The following B4GALT6 variants were observed in gnomAD, a reference collection of about 807,000 sequenced individuals.
The protein encoded by B4GALT6 is beta-1,4-galactosyltransferase 6.
Under a neutral mutation model 46.3 loss-of-function variants are expected in B4GALT6, and 14 were observed. The observed-to-expected ratio is 0.30, with a 90% CI of 0.20 to 0.47. B4GALT6 has a LOEUF of 0.47. Among genes scored for constraint, B4GALT6 ranks in the 20% least tolerant of loss-of-function variants. The pLI, the probability that B4GALT6 is intolerant of heterozygous loss-of-function variation, is 0.99. For synonymous variants in B4GALT6, 168 were observed against 162.0 expected (o/e 1.04, Z -0.28); for missense variants, 386 against 480.1 (o/e 0.80, Z 1.83).
At chr18:31,632,731 G>A (rs997415628) in intron 5 of B4GALT6, among the ~76,000 whole-genome samples, 3 of 152,124 alleles carry the variant, frequency 2.0e-5, no homozygotes, top group African/African-American at 7.2e-5. Flanking sequence ...TTTCTTCAGT[G>A]CTGAGTGAAC....
chr18:31,645,636 C>T (rs1241266738), intron 3 of B4GALT6, among the ~76,000 whole-genome samples, 157 bp from the exon 4 acceptor site: 1 of 152,166 alleles, frequency 6.6e-6, no homozygotes, highest in Non-Finnish European at 1.5e-5. Context: ...CGCTCCCTTT[C>T]ACTTTTAGTT....
At chr18:31,717,115 A>G in the B4GALT6 span, among the ~76,000 whole-genome samples, 1 of 152,154 alleles carries the variant, frequency 6.6e-6, no homozygotes, top group Non-Finnish European at 1.5e-5. Flanking sequence ...AAAAAGAAAG[A>G]AAGAAAGAAA....
At chr18:31,670,525 C>T (rs1598921907) in intron 1 of B4GALT6, among the ~76,000 whole-genome samples, 1 of 152,144 alleles carries the variant, frequency 6.6e-6, no homozygotes, top group East Asian at 1.9e-4. Context: ...GAGTTACATT[C>T]CTCAGGTTAA....
At chr18:31,642,891 G>A (rs1184549363) in intron 4 of B4GALT6, among the ~76,000 whole-genome samples, 2 of 152,066 alleles carry the variant, frequency 1.3e-5, no homozygotes, top group African/African-American at 4.8e-5. Context: ...CAACAGGTTG[G>A]CCAGCCAAAA....
intron 1 of B4GALT6, among the ~76,000 whole-genome samples, chr18:31,677,180 A>G (rs2074424096): frequency 1.3e-5 from 2 of 152,226 alleles, no homozygotes. Context: ...TCTGGAGGAA[A>G]AAAAATAAAA....
chr18:31,667,842 G>A (rs184691396), intron 1 of B4GALT6, among the ~76,000 whole-genome samples: 19 of 152,112 alleles, frequency 1.2e-4, no homozygotes, highest in African/African-American at 2.2e-4. Context: ...GAAGACTCAC[G>A]CCTGTAATTC....
chr18:31,721,985 T>C, the B4GALT6 span, among the ~76,000 whole-genome samples: 1 of 152,158 alleles, frequency 6.6e-6, no homozygotes, highest in African/African-American at 2.4e-5. Flanking sequence ...CAAACTCACA[T>C]ACCCTTCGAA....
At chr18:31,705,427 C>T in the B4GALT6 span, among the ~76,000 whole-genome samples, 2 of 152,096 alleles carry the variant, frequency 1.3e-5, no homozygotes, top group African/African-American at 2.4e-5. Context: ...TCAATCTTGT[C>T]GCCCAGGCTG....
In B4GALT6 at chr18:31,629,713, G is replaced by T. The variant is rs577916878; in HGVS notation, c.776+1246C>A. ...AAATACAAAAAAATTAGCCAGGCGTGGTGGCAGGCGCCTGTAGTCCCAGCT... is the reference window on the plus strand; with the variant it reads ...AAATACAAAAAAATTAGCCAGGCGTTGTGGCAGGCGCCTGTAGTCCCAGCT... On this transcript the variant is annotated intron_variant, in intron 6 of 8. Transcript: ENST00000306851. Among the ~76,000 whole-genome samples, 611 of 150,570 alleles carry T rather than the reference G, an allele frequency of 4.1e-3. 1 individual carries two copies. The highest frequency in any genetic ancestry group is 0.014 in the African/African-American group (589 of 41,150).
chr18:31,670,320 G>T (rs1365165963), intron 1 of B4GALT6, among the ~76,000 whole-genome samples: 1 of 152,112 alleles, frequency 6.6e-6, no homozygotes, highest in Non-Finnish European at 1.5e-5. Flanking sequence ...CTCTCAAAGT[G>T]GTGGGATCAC....
At chr18:31,626,659 AT>A (rs972505649) in intron 7 of B4GALT6, among the ~76,000 whole-genome samples, 6 of 152,092 alleles carry the variant, frequency 3.9e-5, no homozygotes, top group African/African-American at 1.4e-4. Flanking sequence ...CATGTGAGGG[AT>A]CTAGGTTGTA....
the B4GALT6 span, among the ~76,000 whole-genome samples, chr18:31,709,623 G>C: frequency 6.9e-6 from 1 of 145,668 alleles, no homozygotes; most frequent in South Asian, 2.2e-4. Context: ...ATCCTTCTAT[G>C]TAATCCTGCA....
the B4GALT6 span, among the ~76,000 whole-genome samples, chr18:31,714,430 ACCTACTCC>A: frequency 9.2e-5 from 14 of 152,274 alleles, no homozygotes; most frequent in African/African-American, 3.4e-4. Flanking sequence ...AGACAATCCC[ACCTACTCC>A]CCTGGGGCCT....
chr18:31,629,457 T>TTTTA lies in B4GALT6; in HGVS notation c.776+1501_776+1502insTAAA, dbSNP rs2073748536. Among the ~76,000 whole-genome samples the TTTTA allele has an allele frequency of 1.2e-4, 13 of 105,864 alleles. 1 individual carries two copies. The highest frequency in any genetic ancestry group is 5.9e-4 in the African/African-American group (13 of 22,106). The allele number at this position is 105,864 out of a possible 152,430, so 69.5% of individuals were successfully genotyped here. ...TATATGCCCTTTATGATTTTTTTTT[T>TTTTA]TTTTTTTTTTTTTTTTTTTTTTTTT... On this transcript the variant is annotated intron_variant, in intron 6 of 8. Transcript: ENST00000306851.
intron 1 of B4GALT6, among the ~76,000 whole-genome samples, chr18:31,672,359 T>C (rs1180557480): frequency 6.6e-6 from 1 of 152,186 alleles, no homozygotes; most frequent in Non-Finnish European, 1.5e-5. Flanking sequence ...GAAATACCAT[T>C]TGGGGAGACA....
chr18:31,658,095 A>G lies in B4GALT6; in HGVS notation c.233-6T>C, dbSNP rs1474983538. 6.4e-6 allele frequency: 10 copies of G among 1,572,010 alleles called. No individual in the cohort carries two copies. Among genetic ancestry groups the G allele is most frequent in the Non-Finnish European group, 8.6e-6 (10 of 1,160,658 alleles). ...ATTATTGCCTTCGGGATAATCTTGGAAAGAGAGAAAAGAGTTACAAAAAAA... is the reference window on the plus strand; with the variant it reads ...ATTATTGCCTTCGGGATAATCTTGGGAAGAGAGAAAAGAGTTACAAAAAAA... On this transcript the variant is annotated splice_region_variant and splice_polypyrimidine_tract_variant and intron_variant, in intron 2 of 8. Coordinates refer to ENST00000306851, the MANE Select transcript of B4GALT6 (RefSeq NM_004775.5).
At chr18:31,674,348 A>T (rs1457525352) in intron 1 of B4GALT6, among the ~76,000 whole-genome samples, 2 of 152,214 alleles carry the variant, frequency 1.3e-5, no homozygotes. Flanking sequence ...AGGAAAAAGA[A>T]ATCTTCATTG....
rs895863823 is a variant in B4GALT6, at chr18:31,631,112, A to G, written c.623T>C (p.Phe208Ser). ...CATGGCCTCTTTGAAGCCCACATTG[A>G]AAAGCATCGCACGGTTAAAAGGTTG... ...GTQPFNRAML[F>S]NVGFKEAMKD... The change falls in exon 6 of 9, where the codon TTC becomes TCC. Residue 208 changes from phenylalanine (F) to serine (S), a missense_variant. Physicochemically the swap from Phe to Ser is radical, Grantham distance 155. Transcript: ENST00000306851. 1.2e-6 allele frequency: 2 copies of G among 1,614,138 alleles called. No homozygotes were observed. The highest frequency in any genetic ancestry group is 1.7e-6 in the Non-Finnish European group (2 of 1,180,006).
intron 3 of B4GALT6, 99 bp from the exon 4 acceptor site, chr18:31,645,578 C>T: frequency 8.0e-7 from 1 of 1,243,920 alleles, no homozygotes; most frequent in Non-Finnish European, 1.1e-6. Context: ...ATCTTAGTTG[C>T]CAGGACAATA....
Sources: allele counts gnomAD v4.1 joint callset (sites outside exome capture counted in the v4.1 genomes callset), GRCh38; gene constraint gnomAD v4.1.1; transcripts MANE v1.5; gene names NCBI Gene and HGNC (gene_info 2026-07-23, HGNC 2026-07-21).